Variants in ZNF768 observed in about 807,000 individuals in gnomAD.
ZNF768 encodes the protein zinc finger protein 768.
A neutral mutation model predicts 39.7 loss-of-function variants in ZNF768; 12 were observed. The ratio of observed to expected loss-of-function variants is 0.30; its 90% CI spans 0.19 to 0.49. ZNF768 has a LOEUF of 0.49. Ranked by LOEUF, ZNF768 falls within the 20% of genes least tolerant of loss-of-function variation. The pLI is 0.99. For missense variants in ZNF768, 613 were observed against 723.2 expected (o/e 0.85, Z 1.75); for synonymous variants, 360 against 288.4 (o/e 1.25, Z -2.52).
Position 30,524,569 on chromosome 16 carries a change from T to C in ZNF768, c.1571A>G (p.Gln524Arg). 1.2e-6 allele frequency: 2 copies of C among 1,612,332 alleles called. No individual in the cohort carries two copies. The highest frequency in any genetic ancestry group is 8.5e-7 in the Non-Finnish European group (1 of 1,179,904). Reference protein sequence around the residue: ...KCDDCGKAFSQSSDLIRHQRT... With the variant: ...KCDDCGKAFSRSSDLIRHQRT... The stretch of plus-strand genomic sequence containing the variant: ...CTGGTGGCGGATGAGGTCGGAGCTC[T>C]GGGAGAAGGCCTTTCCGCAGTCATC... Residue 524 changes from glutamine to arginine, a missense_variant, in exon 2 of 2, where the codon CAG becomes CGG. Gln to Arg is a conservative substitution (Grantham distance 43). Coordinates refer to ENST00000380412, the MANE Select transcript of ZNF768 (RefSeq NM_024671.4).
Position 30,525,032 on chromosome 16 carries a change from C to T in ZNF768, c.1108G>A (p.Glu370Lys), listed in dbSNP as rs1343982111. 1 of 1,614,122 alleles carries T rather than the reference C, an allele frequency of 6.2e-7. No individual in the cohort carries two copies. Among genetic ancestry groups the T allele is most frequent in the Non-Finnish European group, 8.5e-7 (1 of 1,180,010 alleles). ...LLRHQRTHSH[E>K]RPYSCTECGK... ...CACTCGGTGCAGCTGTAGGGCCGCTCGTGGCTGTGGGTGCGCTGGTGTCGC... is the reference window on the plus strand; with the variant it reads ...CACTCGGTGCAGCTGTAGGGCCGCTTGTGGCTGTGGGTGCGCTGGTGTCGC... The change falls in exon 2 of 2, where the codon GAG (glutamate) becomes AAG (lysine). Residue 370 changes from glutamate (E) to lysine (K), a missense_variant. Glu to Lys is a moderately conservative substitution (Grantham distance 56). Around this residue, in one of 4 missense-constraint regions of ZNF768, gnomAD observed 204 missense variants for 281.7 expected, o/e 0.72. Transcript: ENST00000380412.
In ZNF768 at chr16:30,525,987, G is replaced by T. The variant is rs750011016; in HGVS notation, c.153C>A (p.Val51=). ...GTTCAAGCCCAAATGGTATCTCTTCGACTTCATAGTCCCCACTGCCTTCTT... is the reference window on the plus strand; with the variant it reads ...GTTCAAGCCCAAATGGTATCTCTTCTACTTCATAGTCCCCACTGCCTTCTT... ...SQQEGSGDYE[V]EEIPFGLEPQ... is the part of the protein sequence containing the mutation. The change falls in exon 2 of 2, where the codon GTC becomes GTA. Residue 51 remains valine (V), a synonymous_variant. Transcript: ENST00000380412. The T allele has an allele frequency of 6.6e-7, 1 of 1,503,922 alleles. No individual in the cohort carries two copies. The highest frequency in any genetic ancestry group is 8.9e-7 in the Non-Finnish European group (1 of 1,129,420). The allele number at this position is 1,503,922 out of a possible 1,614,324, so 93.2% of individuals were successfully genotyped here.
rs2051319833 is a variant in ZNF768 at position 30,526,041 on chromosome 16, A to T, written c.99T>A (p.Ser33Arg). 6.7e-7 allele frequency: 1 copy of T among 1,491,802 alleles called. No homozygotes were observed. Among genetic ancestry groups the T allele is most frequent in the African/African-American group, 1.4e-5 (1 of 70,290 alleles). 92.4% of individuals were successfully genotyped at this position (1,491,802 alleles called of 1,614,324 possible). A position where few individuals can be genotyped will look rare whatever the true frequency, so the allele number is the denominator to read the frequency against. Residue 33 changes from serine to arginine, a missense_variant, in exon 2 of 2, where the codon AGT becomes AGA. Ser to Arg is a moderately radical substitution (Grantham distance 110, BLOSUM62 -1). Around this residue, in one of 4 missense-constraint regions of ZNF768, gnomAD observed 347 missense variants for 326.1 expected, o/e 1.06. Transcript: ENST00000380412. Reference protein sequence around the residue: ...SPEGYLRGNMSENEEEEISQQ... With the variant: ...SPEGYLRGNMRENEEEEISQQ... ...GAGAAATTTCCTCTTCCTCATTCTC[A>T]CTCATGTTGCCTGCAGGATGAGAGA...
upstream of ZNF768, chr16:30,527,393 G>T: frequency 1.1e-6 from 1 of 899,394 alleles, no homozygotes; most frequent in Non-Finnish European, 1.3e-6. Flanking sequence ...GCTCCCAGAG[G>T]CACAGCTTCT....
At position 30,524,510 on chromosome 16, in the gene ZNF768, C is replaced by T. The variant is rs966735397; in HGVS notation, c.*7G>A. ...CCCACACCTCCCACCCCTGCTGGGG[C>T]CCCAGGTCAGCGCCGGCCCGCCGCG... On this transcript the variant is annotated 3_prime_UTR_variant, in exon 2 of 2. Transcript: ENST00000380412. 1.2e-6 allele frequency: 2 copies of T among 1,601,110 alleles called. No individual in the cohort carries two copies. The highest frequency in any genetic ancestry group is 1.7e-6 in the Non-Finnish European group (2 of 1,176,164).
chr16:30,526,949 C>T (rs2051333636), upstream of ZNF768: 1 of 985,560 alleles, frequency 1.0e-6, no homozygotes, highest in South Asian at 4.7e-5. Context: ...GAGGACCGGA[C>T]GCCCCGGAGC....
At chr16:30,526,203 G>A (rs77922519) in intron 1 of ZNF768, 123 bp downstream of exon 1, 1 of 1,533,814 alleles carries the variant, frequency 6.5e-7, no homozygotes, top group Non-Finnish European at 8.8e-7. Flanking sequence ...AGACACCCCA[G>A]TCCCCGCCGG....
chr16:30,526,105 T>C lies in ZNF768; in HGVS notation c.89-54A>G, dbSNP rs1332050846. On this transcript the variant is annotated intron_variant, in intron 1 of 1. Transcript: ENST00000380412. ...GAGACCTGGAAGGTCATTTGGTCCA[T>C]TAGCAACCACACACCTCCCACCTCA... The C allele has an allele frequency of 6.7e-6, 10 of 1,493,154 alleles. No homozygotes were observed. In the East Asian group the frequency reaches 2.2e-4, roughly 33 times the overall value. The allele number at this position is 1,493,154 out of a possible 1,614,324, so 92.5% of individuals were successfully genotyped here.
rs947010696 is a variant in ZNF768 at position 30,524,891 on chromosome 16, T to C, written c.1249A>G (p.Ile417Val). Residue 417 changes from isoleucine to valine, a missense_variant, in exon 2 of 2, where the codon ATC (isoleucine) becomes GTC (valine). By Grantham distance (29) the Ile-to-Val change is conservative. Coordinates refer to ENST00000380412, the MANE Select transcript of ZNF768 (RefSeq NM_024671.4). ...CGGGCGTGGCTGCGGGCATGGGGGA[T>C]AAGGGCCGACCGCTGGGAGAAGCTC... Reference protein sequence around the residue: ...GKSFSQRSALIPHARSHAREK... With the variant: ...GKSFSQRSALVPHARSHAREK... The C allele has an allele frequency of 3.7e-6, 6 of 1,612,112 alleles. No homozygotes were observed. In the African/African-American group the frequency reaches 8.0e-5, roughly 22 times the overall value.
chr16:30,526,244 C>G, intron 1 of ZNF768, 82 bp downstream of exon 1: 1 of 1,584,720 alleles, frequency 6.3e-7, no homozygotes, highest in South Asian at 1.1e-5. Flanking sequence ...TGTCCCAGCC[C>G]CGGGCCCTCG....
chr16:30,532,143 C>T, the ZNF768 span: 3 of 300,172 alleles, frequency 1.0e-5, no homozygotes, highest in African/African-American at 2.2e-5. Context: ...AGCAAAACTC[C>T]GTCTCAAAAA....
upstream of ZNF768, chr16:30,526,733 A>T: frequency 2.7e-6 from 1 of 370,570 alleles, no homozygotes; most frequent in Non-Finnish European, 3.5e-6. Flanking sequence ...CTCCCGCCCG[A>T]GCCCCCACCT....
upstream of ZNF768, chr16:30,527,351 A>C: frequency 1.0e-6 from 1 of 969,900 alleles, no homozygotes; most frequent in Non-Finnish European, 1.2e-6. Context: ...CTCGAGGGCT[A>C]GGATAGTTGC....
chr16:30,526,405 C>T lies in ZNF768; in HGVS notation c.9G>A (p.Arg3=). Residue 3 remains arginine, a synonymous_variant, in exon 1 of 2, where the codon CGG becomes CGA. Coordinates refer to ENST00000380412, the MANE Select transcript of ZNF768 (RefSeq NM_024671.4). The part of the protein sequence containing the change: ME[R]EALPWGLEPQ... ...GCTCGAGGCCCCACGGCAACGCCTCCCGCTCCATCCCCGCGGGCTCCCAGT... is the reference window on the plus strand; with the variant it reads ...GCTCGAGGCCCCACGGCAACGCCTCTCGCTCCATCCCCGCGGGCTCCCAGT... The T allele has an allele frequency of 6.3e-7, 1 of 1,585,118 alleles. No homozygotes were observed. The highest frequency in any genetic ancestry group is 8.6e-7 in the Non-Finnish European group (1 of 1,168,170).
In ZNF768 at chr16:30,524,179, A is replaced by C; in HGVS notation, c.*338T>G. ...CGAGAGTTTCAGCAGCTACCAATCTAAGCTAACCCACTCTAATTAGGTAAT... is the reference window on the plus strand; with the variant it reads ...CGAGAGTTTCAGCAGCTACCAATCTCAGCTAACCCACTCTAATTAGGTAAT... On this transcript the variant is annotated 3_prime_UTR_variant, in exon 2 of 2. Transcript: ENST00000380412. 1 of 310,824 alleles carries C rather than the reference A, an allele frequency of 3.2e-6. No individual in the cohort carries two copies. 19.3% of individuals were successfully genotyped at this position (310,824 alleles called of 1,614,324 possible).
Position 30,524,250 on chromosome 16 carries a change from A to C in ZNF768, c.*267T>G. On this transcript the variant is annotated 3_prime_UTR_variant, in exon 2 of 2. Transcript: ENST00000380412. ...TGCTCTAGCAGTTGCCAAGCCAGGC[A>C]CCCACCAAGGAGCCGCGGCTGAGGC... 2.7e-5 allele frequency: 7 copies of C among 262,674 alleles called. No homozygotes were observed. Among genetic ancestry groups the C allele is most frequent in the Admixed American group, 5.7e-5 (1 of 17,496 alleles). 16.3% of individuals were successfully genotyped at this position (262,674 alleles called of 1,614,324 possible). A position where few individuals can be genotyped will look rare whatever the true frequency, so the allele number is the denominator to read the frequency against.
At chr16:30,532,181 C>T in the ZNF768 span, 1 of 443,304 alleles carries the variant, frequency 2.3e-6, no homozygotes, top group Non-Finnish European at 4.0e-6. Flanking sequence ...AAAAAGACAA[C>T]AGAGAAAACA....
Position 30,524,757 on chromosome 16 carries a change from G to C in ZNF768, c.1383C>G (p.Asp461Glu), listed in dbSNP as rs2051304682. Reference protein sequence around the residue: ...HLPGRTYSCPDCGKTFNRSST... With the variant: ...HLPGRTYSCPECGKTFNRSST... The stretch of plus-strand genomic sequence containing the variant: ...AGGAGCGATTGAAGGTCTTGCCGCA[G>C]TCGGGGCAGCTGTAGGTGCGGCCTG... Residue 461 changes from aspartate (D) to glutamate (E), a missense_variant, in exon 2 of 2, where the codon GAC (aspartate) becomes GAG (glutamate). Asp to Glu is a conservative substitution (Grantham distance 45). This residue lies in a region of ZNF768 where 204 missense variants were observed against 281.7 expected (regional missense o/e 0.72). Transcript: ENST00000380412. 6.2e-7 allele frequency: 1 copy of C among 1,612,090 alleles called. No individual in the cohort carries two copies. Among genetic ancestry groups the C allele is most frequent in the Non-Finnish European group, 8.5e-7 (1 of 1,179,500 alleles).
Position 30,526,518 on chromosome 16 carries a change from C to T in ZNF768, c.-105G>A. On this transcript the variant is annotated 5_prime_UTR_variant, in exon 1 of 2. Transcript: ENST00000380412. ...CCCCCGCCTCCCGCCCGCTCAGCGC[C>T]GCCCAGGGGACTCGGCGGCCCAGCC... 8.6e-7 allele frequency: 1 copy of T among 1,157,628 alleles called. No individual in the cohort carries two copies. The highest frequency in any genetic ancestry group is 1.1e-6 in the Non-Finnish European group (1 of 937,646). 71.7% of individuals were successfully genotyped at this position (1,157,628 alleles called of 1,614,324 possible).
Sources: allele counts gnomAD v4.1 joint callset, GRCh38; gene constraint gnomAD v4.1.1; regional missense constraint gnomAD v4.1.1; transcripts MANE v1.5; gene names NCBI Gene and HGNC (gene_info 2026-07-23, HGNC 2026-07-21).